The following SLIT1 variants were observed in gnomAD, a reference collection of about 807,000 sequenced individuals.
The protein encoded by SLIT1 is slit guidance ligand 1, also known as slit homolog 1 protein.
Under a neutral mutation model 186.1 loss-of-function variants are expected in SLIT1, and 66 were observed. That is an observed-to-expected ratio of 0.35 (90% confidence interval 0.29 to 0.44). SLIT1 has a LOEUF of 0.44. Among genes scored for constraint, SLIT1 ranks in the 20% least tolerant of loss-of-function variants. The pLI is 1.00. For missense variants in SLIT1, 1,638 were observed against 2,037.4 expected (o/e 0.80, Z 3.77); for synonymous variants, 761 against 833.8 (o/e 0.91, Z 1.50).
chr10:97,152,993 C>A (rs1021525019), intron 4 of SLIT1: 1 of 152,186 alleles, frequency 6.6e-6, no homozygotes, highest in Non-Finnish European at 1.5e-5. Context: ...TTTCCATATT[C>A]TTTTCATTAT....
rs571704169 is a variant in SLIT1 at position 97,034,496 on chromosome 10, T to C, written c.2413A>G (p.Thr805Ala). Residue 805 changes from threonine to alanine, a missense_variant, in exon 23 of 37, where the codon ACC (threonine) becomes GCC (alanine). By Grantham distance (58) the Thr-to-Ala change is moderately conservative. Around this residue, in one of 3 missense-constraint regions of SLIT1, gnomAD observed 1,245 missense variants for 1,535.3 expected, o/e 0.81. Transcript: ENST00000266058. Reference protein sequence around the residue: ...KISSLSNSSFTNMSQLTTLIL... With the variant: ...KISSLSNSSFANMSQLTTLIL... ...AGAGTGGTCAGCTGGCTCATGTTGGTGAAGGAGGAATTGCTTAAGGAACTG... is the reference window on the plus strand; with the variant it reads ...AGAGTGGTCAGCTGGCTCATGTTGGCGAAGGAGGAATTGCTTAAGGAACTG... 18 of 1,613,498 alleles carry C rather than the reference T, an allele frequency of 1.1e-5. No homozygotes were observed. In the East Asian group the frequency reaches 4.0e-4, roughly 36 times the overall value.
At chr10:97,146,801 C>G (rs371088665) in intron 4 of SLIT1, among the ~76,000 whole-genome samples, 1 of 152,140 alleles carries the variant, frequency 6.6e-6, no homozygotes, top group African/African-American at 2.4e-5. Context: ...CTTTTTTCAG[C>G]CTTCGGACAG....
intron 4 of SLIT1, among the ~76,000 whole-genome samples, chr10:97,105,871 G>A (rs12269626): frequency 0.02 from 2,988 of 152,314 alleles, 90 homozygotes; most frequent in African/African-American, 0.065. Flanking sequence ...AACCATACCC[G>A]GAATCTGGTC....
chr10:97,023,040 A>G (rs1043072692), intron 25 of SLIT1, among the ~76,000 whole-genome samples: 1 of 150,096 alleles, frequency 6.7e-6, no homozygotes, highest in Non-Finnish European at 1.5e-5. Context: ...GGCAGTGAAT[A>G]CTCATACGTG....
At chr10:97,170,274 T>G (rs1428759308) in intron 1 of SLIT1, among the ~76,000 whole-genome samples, 1 of 152,228 alleles carries the variant, frequency 6.6e-6, no homozygotes, top group Non-Finnish European at 1.5e-5. Context: ...GTTTCTCCAT[T>G]TATAAAATGA....
intron 26 of SLIT1, among the ~76,000 whole-genome samples, chr10:97,020,926 A>G (rs190364248): frequency 1.3e-3 from 192 of 152,378 alleles, no homozygotes; most frequent in Non-Finnish European, 2.5e-3. Flanking sequence ...ACTGCTGAAC[A>G]CAATTCCTAC....
intron 7 of SLIT1, 116 bp from the exon 8 acceptor site, chr10:97,063,734 G>T: frequency 8.7e-7 from 1 of 1,152,524 alleles, no homozygotes; most frequent in South Asian, 1.6e-5. Flanking sequence ...GCCAAACACA[G>T]TCTACATTTA....
At chr10:97,087,687 A>G (rs1315308240) in intron 4 of SLIT1, among the ~76,000 whole-genome samples, 2 of 152,142 alleles carry the variant, frequency 1.3e-5, no homozygotes, top group Non-Finnish European at 2.9e-5. Flanking sequence ...TGTCCTGAGT[A>G]TCTAGGGGGT....
At position 97,043,336 on chromosome 10, in the gene SLIT1, G is replaced by C. The variant is rs761876700; in HGVS notation, c.1997+34C>G. ...AGACGGTTGGGACGGTTGCTCCAGA[G>C]CCCCCGCCCGCCTGTCCTGGAGGCC... On this transcript the variant is annotated intron_variant, in intron 19 of 36. Coordinates refer to ENST00000266058, the MANE Select transcript of SLIT1 (RefSeq NM_003061.3). The surrounding 1 kb of genome is among the most constrained non-coding windows in gnomAD (Gnocchi z 7.0). 6.2e-7 allele frequency: 1 copy of C among 1,611,936 alleles called. No individual in the cohort carries two copies. Among genetic ancestry groups the C allele is most frequent in the Admixed American group, 1.7e-5 (1 of 60,002 alleles).
Position 97,004,107 on chromosome 10 carries a change from G to A in SLIT1, c.3826C>T (p.His1276Tyr), listed in dbSNP as rs760748912. The stretch of plus-strand genomic sequence containing the variant: ...GGCGCCTCGCTGTTGAGCGTGTAAT[G>A]TTTGCCAAAGTTGTCCATGGTCATG... ...SPMTMDNFGK[H>Y]YTLNSEAPLY... Residue 1276 changes from histidine to tyrosine, a missense_variant, in exon 34 of 37, where the codon CAT (histidine) becomes TAT (tyrosine). His to Tyr is a moderately conservative substitution (Grantham distance 83). Coordinates refer to ENST00000266058, the MANE Select transcript of SLIT1 (RefSeq NM_003061.3). The surrounding 1 kb of genome is among the most constrained non-coding windows in gnomAD (Gnocchi z 5.1). The A allele has an allele frequency of 6.8e-6, 11 of 1,613,654 alleles. No individual in the cohort carries two copies. Among genetic ancestry groups the A allele is most frequent in the Non-Finnish European group, 8.5e-6 (10 of 1,179,570 alleles).
chr10:97,138,125 A>T (rs1849720280), intron 4 of SLIT1, among the ~76,000 whole-genome samples: 2 of 152,200 alleles, frequency 1.3e-5, no homozygotes, highest in Admixed American at 1.3e-4. Context: ...TGGGAAATAC[A>T]GTGTTTGCAG....
At chr10:97,066,177 G>C in intron 4 of SLIT1, 91 bp from the exon 5 acceptor site, 1 of 1,041,974 alleles carries the variant, frequency 9.6e-7, no homozygotes, top group South Asian at 1.4e-5. Context: ...CAGGGCAGGT[G>C]GGCTGGAGGG....
At chr10:97,013,950 C>T (rs1468872699) in intron 29 of SLIT1, 69 bp downstream of exon 29, 35 of 1,587,954 alleles carry the variant, frequency 2.2e-5, no homozygotes, top group Middle Eastern at 1.7e-4. Flanking sequence ...CTTCCACTCC[C>T]GAGCATGGGG....
rs1020079905 is a variant in SLIT1, at chr10:97,000,284, A to G, written c.*828T>C. 2.0e-5 allele frequency: 3 copies of G among 152,046 alleles called. No homozygotes were observed. The highest frequency in any genetic ancestry group is 7.3e-5 in the African/African-American group (3 of 41,326). The allele number at this position is 152,046 out of a possible 1,614,324, so 9.4% of individuals were successfully genotyped here. A position where few individuals can be genotyped will look rare whatever the true frequency, so the allele number is the denominator to read the frequency against. On this transcript the variant is annotated 3_prime_UTR_variant, in exon 37 of 37. Transcript: ENST00000266058. The stretch of plus-strand genomic sequence containing the variant: ...GTGGCTGGGGAAGCCCAGGACCAAT[A>G]CTCCTACTGTGGCCAGTGTCTGGAG...
intron 4 of SLIT1, among the ~76,000 whole-genome samples, chr10:97,069,792 T>C (rs575022335): frequency 6.6e-6 from 1 of 152,226 alleles, no homozygotes; most frequent in African/African-American, 2.4e-5. Context: ...ATCCACAAAT[T>C]CTTTGACATT....
intron 2 of SLIT1, among the ~76,000 whole-genome samples, chr10:97,164,291 G>T (rs200771124): frequency 6.7e-6 from 1 of 148,782 alleles, no homozygotes; most frequent in African/African-American, 2.5e-5. Context: ...GCAGGGGGGG[G>T]AACCGCCACC....
rs188477263 is a variant in SLIT1, at chr10:97,073,035, G to A, written c.414-6949C>T. Among the ~76,000 whole-genome samples the A allele has an allele frequency of 2.4e-3, 367 of 152,328 alleles. 2 individuals are homozygous for A. The highest frequency in any genetic ancestry group is 5.7e-3 in the Admixed American group (88 of 15,306). On this transcript the variant is annotated intron_variant, in intron 4 of 36. Coordinates refer to ENST00000266058, the MANE Select transcript of SLIT1 (RefSeq NM_003061.3). Reference sequence around the variant, plus strand: ...TGTTGTTTCAAGCTTTCCCACGAGGGGGCGCCAGAAGCCTTCCCTGGACCT... The same window carrying A: ...TGTTGTTTCAAGCTTTCCCACGAGGAGGCGCCAGAAGCCTTCCCTGGACCT...
In SLIT1 at chr10:97,034,377, G is replaced by C. The variant is rs541692298; in HGVS notation, c.2438+94C>G. 5.6e-6 allele frequency: 5 copies of C among 895,976 alleles called. No individual in the cohort carries two copies. In the South Asian group the frequency reaches 6.5e-5, roughly 12 times the overall value. 55.5% of individuals were successfully genotyped at this position (895,976 alleles called of 1,614,324 possible). A position where few individuals can be genotyped will look rare whatever the true frequency, so the allele number is the denominator to read the frequency against. On this transcript the variant is annotated intron_variant, in intron 23 of 36. Transcript: ENST00000266058. ...TCCAGAGGGCAAGGCGTCTGCAGGC[G>C]AGGGATCTGGGAGCAAAAAGCACAG...
At chr10:97,149,048 C>G (rs1019679267) in intron 4 of SLIT1, among the ~76,000 whole-genome samples, 1 of 152,252 alleles carries the variant, frequency 6.6e-6, no homozygotes, top group African/African-American at 2.4e-5. Context: ...CTCGCCACCC[C>G]CCCGTGGCCC....
Sources: gnomAD v4.1 joint callset for allele counts (sites outside exome capture counted in the v4.1 genomes callset) on GRCh38, gnomAD v4.1.1 for gene constraint, gnomAD v4.1.1 regional missense constraint, Gnocchi (gnomAD v3.1) non-coding constraint, MANE v1.5 for transcripts, NCBI Gene and HGNC (gene_info 2026-07-23, HGNC 2026-07-21) for gene names.